Variants in SPOCK3 observed in about 807,000 individuals in gnomAD.
The protein encoded by SPOCK3 is testican-3.
A neutral mutation model predicts 56.6 loss-of-function variants in SPOCK3; 30 were observed. The ratio of observed to expected loss-of-function variants is 0.53; its 90% CI spans 0.40 to 0.72. The LOEUF is 0.72. Among genes scored for constraint, SPOCK3 ranks in the 30% least tolerant of loss-of-function variants. The probability of loss-of-function intolerance (pLI) is 0.00; values close to 1 mark genes in which losing one functional copy is unlikely to be tolerated. For missense variants in SPOCK3, 527 were observed against 530.0 expected, an observed-to-expected ratio of 0.99 and a Z score of 0.06; for synonymous variants, 196 against 183.3, an observed-to-expected ratio of 1.07 and a Z score of -0.56.
At chr4:167,094,138 G>A (rs541462730) in intron 2 of SPOCK3, among the ~76,000 whole-genome samples, 1 of 152,036 alleles carries the variant, frequency 6.6e-6, no homozygotes, top group African/African-American at 2.4e-5. Flanking sequence ...TATAATACAT[G>A]TGACAATACA....
At chr4:166,966,643 T>C (rs1169511388) in intron 4 of SPOCK3, among the ~76,000 whole-genome samples, 2 of 152,312 alleles carry the variant, frequency 1.3e-5, no homozygotes, top group African/African-American at 4.8e-5. Flanking sequence ...CAATCATCGT[T>C]TGTTGCCACT....
intron 6 of SPOCK3, among the ~76,000 whole-genome samples, chr4:166,837,350 G>A (rs1312921735): frequency 6.6e-6 from 1 of 152,046 alleles, no homozygotes; most frequent in Non-Finnish European, 1.5e-5. Context: ...TTATTTTAAG[G>A]TAGAGATGGT....
At chr4:166,751,561 T>G (rs1736377273) in intron 8 of SPOCK3, among the ~76,000 whole-genome samples, 1 of 152,172 alleles carries the variant, frequency 6.6e-6, no homozygotes, top group African/African-American at 2.4e-5. Context: ...AATGTGAAGT[T>G]ATTGAATATG....
chr4:167,032,376 G>T (rs1752356820), intron 3 of SPOCK3, among the ~76,000 whole-genome samples: 1 of 151,878 alleles, frequency 6.6e-6, no homozygotes, highest in Non-Finnish European at 1.5e-5. Flanking sequence ...GTATCACAAA[G>T]AAAATAAAAT....
At chr4:166,898,754 C>A (rs542466140) in intron 5 of SPOCK3, among the ~76,000 whole-genome samples, 31 of 152,186 alleles carry the variant, frequency 2.0e-4, no homozygotes, top group African/African-American at 7.5e-4. Flanking sequence ...AGATGGAAAC[C>A]TCTTATCGTT....
chr4:167,134,107 C>A (rs1167892809), intron 2 of SPOCK3, among the ~76,000 whole-genome samples: 2 of 143,792 alleles, frequency 1.4e-5, no homozygotes, highest in Non-Finnish European at 3.0e-5. Flanking sequence ...TGGCTCACTG[C>A]AACCTCCGCT....
At chr4:166,855,821 C>G (rs551186576) in intron 6 of SPOCK3, among the ~76,000 whole-genome samples, 3 of 152,014 alleles carry the variant, frequency 2.0e-5, no homozygotes. Flanking sequence ...CTAATTCTAC[C>G]AAGTTTCTAA....
chr4:167,058,154 A>G (rs1207571368), intron 3 of SPOCK3, among the ~76,000 whole-genome samples: 1 of 152,164 alleles, frequency 6.6e-6, no homozygotes. Flanking sequence ...GGCCAGGGCA[A>G]TTAGGCAGGA....
At chr4:166,881,260 T>C (rs770848005) in intron 6 of SPOCK3, among the ~76,000 whole-genome samples, 74 of 151,856 alleles carry the variant, frequency 4.9e-4, no homozygotes, top group Non-Finnish European at 9.0e-4. Flanking sequence ...ACTTGCAAAA[T>C]GTCTAAAGTT....
intron 6 of SPOCK3, among the ~76,000 whole-genome samples, chr4:166,836,324 AT>A (rs1156960617): frequency 1.3e-5 from 2 of 152,122 alleles, no homozygotes; most frequent in African/African-American, 2.4e-5. Flanking sequence ...CGATTTTATC[AT>A]TTTTTTCAGC....
At position 166,983,570 on chromosome 4, in the gene SPOCK3, T is replaced by C. The variant is rs567654618; in HGVS notation, c.350+16779A>G. ...TAAATTCTAGTGTTCTATAGCTGCA[T>C]GGGATGGCTATAGTTAATAGTTTAG... is the stretch of plus-strand genomic sequence containing the variant. On this transcript the variant is annotated intron_variant, in intron 4 of 10. Coordinates refer to ENST00000357545, the MANE Select transcript of SPOCK3 (RefSeq NM_001040159.2). 2.8e-4 allele frequency among the ~76,000 whole-genome samples: 43 copies of C among 152,234 alleles called. 2 individuals are homozygous for C. In the South Asian group the frequency reaches 8.7e-3, roughly 31 times the overall value.
At chr4:167,161,354 C>T (rs952604957) in intron 2 of SPOCK3, among the ~76,000 whole-genome samples, 3 of 152,124 alleles carry the variant, frequency 2.0e-5, no homozygotes, top group Non-Finnish European at 4.4e-5. Context: ...CATCTCACAC[C>T]AGTTAGAATG....
chr4:167,120,051 A>G (rs1351272288), intron 2 of SPOCK3, among the ~76,000 whole-genome samples: 2 of 152,116 alleles, frequency 1.3e-5, no homozygotes, highest in Non-Finnish European at 2.9e-5. Flanking sequence ...TTATGTTTCT[A>G]TAAATAAGGG....
Position 166,735,055 on chromosome 4 carries a change from C to T in SPOCK3, c.1168G>A (p.Gly390Ser). The T allele has an allele frequency of 6.2e-7, 1 of 1,605,378 alleles. No individual in the cohort carries two copies. The highest frequency in any genetic ancestry group is 2.2e-5 in the East Asian group (1 of 44,460). The change falls in exon 11 of 11, where the codon GGC becomes AGC. Residue 390 changes from glycine to serine, a missense_variant. Transcript: ENST00000357545. ...TCATCAGTCCATTCATGAAAATCGC[C>T]ACTAGCAAAATCTCCGGAGATCTCA... ...DFEISGDFAS[G>S]DFHEWTDDED...
chr4:166,952,117 C>T (rs1368002336), intron 4 of SPOCK3, among the ~76,000 whole-genome samples: 1 of 152,092 alleles, frequency 6.6e-6, no homozygotes, highest in African/African-American at 2.4e-5. Context: ...AAAGGGTATT[C>T]AATTAGGAAA....
At position 166,748,873 on chromosome 4, in the gene SPOCK3, AGACACAGAAAAAATGC is replaced by A. The variant is rs1209150409; in HGVS notation, c.931+5619_931+5634del. On this transcript the variant is annotated intron_variant, in intron 8 of 10. Coordinates refer to ENST00000357545, the MANE Select transcript of SPOCK3 (RefSeq NM_001040159.2). ...AAACGAAGTCATTTATGCCACCAAC[AGACACAGAAAAAATGC>A]TCATCATCACTGGCCATCAGGGAAA... 1.4e-5 allele frequency among the ~76,000 whole-genome samples: 2 copies of A among 138,036 alleles called. 1 individual carries two copies. The highest frequency in any genetic ancestry group is 3.1e-5 in the Non-Finnish European group (2 of 64,898). 90.6% of individuals were successfully genotyped at this position (138,036 alleles called of 152,430 possible).
At chr4:167,058,626 T>C (rs941576216) in intron 3 of SPOCK3, among the ~76,000 whole-genome samples, 19 of 152,256 alleles carry the variant, frequency 1.2e-4, no homozygotes, top group Non-Finnish European at 2.4e-4. Context: ...CCAATGACTT[T>C]CTTCACAGAA....
chr4:167,233,842 T>TCCAGCAGCCCTGCG (rs1284355392), intron 2 of SPOCK3, 143 bp downstream of exon 2: 1 of 704,616 alleles, frequency 1.4e-6, no homozygotes, highest in Non-Finnish European at 2.4e-6. Context: ...TGTGAACTTC[T>TCCAGCAGCCCTGCG]CCAGCAGCCC....
At chr4:166,853,433 A>G (rs1730339600) in intron 6 of SPOCK3, among the ~76,000 whole-genome samples, 1 of 152,216 alleles carries the variant, frequency 6.6e-6, no homozygotes, top group Non-Finnish European at 1.5e-5. Flanking sequence ...AATTATTTTC[A>G]TAGAGGACCA....
Sources: gnomAD v4.1 joint callset for allele counts (sites outside exome capture counted in the v4.1 genomes callset) on GRCh38, gnomAD v4.1.1 for gene constraint, MANE v1.5 for transcripts, NCBI Gene and HGNC (gene_info 2026-07-23, HGNC 2026-07-21) for gene names.